TEX10: variants seen among roughly 807,000 people sequenced by gnomAD.
TEX10 encodes testis expressed 10.
A neutral mutation model predicts 104.4 loss-of-function variants in TEX10; 24 were observed. That is an observed-to-expected ratio of 0.23 (90% confidence interval 0.17 to 0.32). The LOEUF (loss-of-function observed/expected upper bound fraction) is 0.32. Among genes scored for constraint, TEX10 ranks in the 10% least tolerant of loss-of-function variants. The pLI is 1.00. For synonymous variants in TEX10, 396 were observed against 393.4 expected, an observed-to-expected ratio of 1.01 and a Z score of -0.08; for missense variants, 921 against 1,083.9, an observed-to-expected ratio of 0.85 and a Z score of 2.11.
At chr9:100,333,856 T>G (rs1180309750) in intron 5 of TEX10, among the ~76,000 whole-genome samples, 1 of 152,106 alleles carries the variant, frequency 6.6e-6, no homozygotes, top group African/African-American at 2.4e-5. Context: ...CAAAGGAAAT[T>G]TAATGGATAA....
At chr9:100,350,283 T>C (rs1835408250) in intron 1 of TEX10, among the ~76,000 whole-genome samples, 1 of 152,226 alleles carries the variant, frequency 6.6e-6, no homozygotes, top group African/African-American at 2.4e-5. Flanking sequence ...CTGGTACTCC[T>C]GCCTACTATC....
chr9:100,326,321 T>C lies in TEX10; in HGVS notation c.1960A>G (p.Ile654Val). 1 of 1,613,952 alleles carries C rather than the reference T, an allele frequency of 6.2e-7. No individual in the cohort carries two copies. The highest frequency in any genetic ancestry group is 1.7e-4 in the Middle Eastern group (1 of 6,060). Residue 654 changes from isoleucine to valine, a missense_variant, in exon 9 of 15, where the codon ATC becomes GTC. Coordinates refer to ENST00000374902, the MANE Select transcript of TEX10 (RefSeq NM_017746.4). The stretch of plus-strand genomic sequence containing the variant: ...TGCTACCTCATGTGCAGTATCCCGA[T>C]AAGCATGGCAGCCAAACTTGAACTG... Reference protein sequence around the residue: ...RLSSSLAAMLIGILHMRSSFS... With the variant: ...RLSSSLAAMLVGILHMRSSFS...
intron 11 of TEX10, among the ~76,000 whole-genome samples, chr9:100,310,878 T>C (rs60958178): frequency 0.014 from 2,092 of 152,298 alleles, 34 homozygotes; most frequent in African/African-American, 0.048. Context: ...CTACTAATCA[T>C]ATGTTGAATA....
chr9:100,333,855 T>A (rs1282005483), intron 5 of TEX10, among the ~76,000 whole-genome samples: 1 of 152,070 alleles, frequency 6.6e-6, no homozygotes, highest in Non-Finnish European at 1.5e-5. Context: ...GCAAAGGAAA[T>A]TTAATGGATA....
At position 100,308,685 on chromosome 9, in the gene TEX10, AG is replaced by A; in HGVS notation, c.2284-5del. 1 of 1,581,674 alleles carries A rather than the reference AG, an allele frequency of 6.3e-7. No homozygotes were observed. The highest frequency in any genetic ancestry group is 8.6e-7 in the Non-Finnish European group (1 of 1,166,682). On this transcript the variant is annotated splice_polypyrimidine_tract_variant and splice_region_variant and intron_variant, in intron 12 of 14. Coordinates refer to ENST00000374902, the MANE Select transcript of TEX10 (RefSeq NM_017746.4). ...CAGGAATTACAGTCAACCCAACCTA[AG>A]CAGAGAAAAACGAGATTAATCACCT...
chr9:100,302,256 A>C lies in TEX10; in HGVS notation c.2725T>G (p.Tyr909Asp), dbSNP rs1834001485. Residue 909 changes from tyrosine (Y) to aspartate (D), a missense_variant, in exon 15 of 15, where the codon TAC becomes GAC. Transcript: ENST00000374902. ...CCAGTGATATACACGTTGAAGCAGT[A>C]ATGTAAGTCTGTGAGCCACTGTTCC... ...VQEQWLTDLHYCFNVYITGHP... is the reference protein window; with the variant it reads ...VQEQWLTDLHDCFNVYITGHP... The C allele has an allele frequency of 6.2e-7, 1 of 1,613,694 alleles. No homozygotes were observed.
At chr9:100,340,618 G>C (rs774031364) in intron 4 of TEX10, among the ~76,000 whole-genome samples, 5 of 152,184 alleles carry the variant, frequency 3.3e-5, no homozygotes, top group Non-Finnish European at 7.4e-5. Context: ...GAGAAAAAGT[G>C]AAAGTATCTG....
chr9:100,347,854 TG>T (rs1473749623), intron 2 of TEX10, among the ~76,000 whole-genome samples: 1 of 151,966 alleles, frequency 6.6e-6, no homozygotes, highest in Non-Finnish European at 1.5e-5. Context: ...ATGTAACCTT[TG>T]GGAAAAAAAA....
At chr9:100,339,820 C>T (rs1444496558) in intron 5 of TEX10, among the ~76,000 whole-genome samples, 1 of 148,390 alleles carries the variant, frequency 6.7e-6, no homozygotes, top group Non-Finnish European at 1.5e-5. Flanking sequence ...CCTTTTATTT[C>T]TGATTTTTCT....
intron 9 of TEX10, among the ~76,000 whole-genome samples, chr9:100,322,718 C>T (rs530134416): frequency 4.4e-4 from 67 of 152,164 alleles, no homozygotes; most frequent in Admixed American, 1.2e-3. Flanking sequence ...TGGGTTCAAA[C>T]GACTCTCCTG....
At chr9:100,345,954 C>T (rs891966382) in intron 4 of TEX10, 118 bp downstream of exon 4, 1 of 1,144,640 alleles carries the variant, frequency 8.7e-7, no homozygotes, top group Non-Finnish European at 1.2e-6. Flanking sequence ...ACAGTTAAAC[C>T]CAGGGTACTT....
intron 1 of TEX10, among the ~76,000 whole-genome samples, chr9:100,349,607 G>C (rs996489325): frequency 6.6e-6 from 1 of 152,056 alleles, no homozygotes; most frequent in South Asian, 2.1e-4. Flanking sequence ...AGTTTTTTGG[G>C]TCACAGAACC....
chr9:100,327,367 A>T (rs1252313917), intron 8 of TEX10, among the ~76,000 whole-genome samples: 2 of 151,944 alleles, frequency 1.3e-5, no homozygotes, highest in Non-Finnish European at 2.9e-5. Context: ...GCATACATAC[A>T]TCCCAGTTAT....
chr9:100,352,591 CCCGCAGTGCCGG>C, intron 1 of TEX10, 169 bp downstream of exon 1: 1 of 1,504,182 alleles, frequency 6.6e-7, no homozygotes, highest in Non-Finnish European at 8.9e-7. Context: ...GGGTCCCGCC[CCCGCAGTGCCGG>C]CCGCACACCC....
At chr9:100,341,509 T>G (rs1835171202) in intron 4 of TEX10, among the ~76,000 whole-genome samples, 3 of 93,746 alleles carry the variant, frequency 3.2e-5, no homozygotes, top group African/African-American at 1.4e-4. Flanking sequence ...GATGTAACAC[T>G]GGCATCATCC....
intron 11 of TEX10, among the ~76,000 whole-genome samples, chr9:100,314,028 T>C (rs1252761629): frequency 6.6e-5 from 10 of 151,978 alleles, no homozygotes; most frequent in African/African-American, 2.4e-4. Context: ...TTTTTGTACA[T>C]TTGGCAGAAT....
intron 11 of TEX10, among the ~76,000 whole-genome samples, chr9:100,317,264 A>C (rs1162306248): frequency 1.3e-5 from 2 of 152,170 alleles, no homozygotes; most frequent in Non-Finnish European, 2.9e-5. Flanking sequence ...AGGCTGTAGT[A>C]AACACAACAA....
intron 11 of TEX10, among the ~76,000 whole-genome samples, chr9:100,319,801 T>C (rs1834520136): frequency 6.6e-6 from 1 of 152,050 alleles, no homozygotes; most frequent in South Asian, 2.1e-4. Context: ...AGCAAAACTC[T>C]GTCTCAAAAA....
intron 6 of TEX10, 126 bp downstream of exon 6, chr9:100,329,805 T>G (rs1834809179): frequency 5.9e-6 from 5 of 844,468 alleles, no homozygotes; most frequent in Non-Finnish European, 9.3e-6. Context: ...GTAGCTACCT[T>G]TTATGGCTTG....
Sources: gnomAD v4.1 joint callset for allele counts (sites outside exome capture counted in the v4.1 genomes callset) on GRCh38, gnomAD v4.1.1 for gene constraint, MANE v1.5 for transcripts, NCBI Gene and HGNC (gene_info 2026-07-23, HGNC 2026-07-21) for gene names.